The following SLC8A3 variants were observed in gnomAD, a reference collection of about 807,000 sequenced individuals.
SLC8A3 encodes the protein solute carrier family 8 member A3, also known as sodium/calcium exchanger 3.
Under a neutral mutation model 65.4 loss-of-function variants are expected in SLC8A3, and 37 were observed. The observed-to-expected ratio is 0.57, with a 90% confidence interval of 0.44 to 0.74. The LOEUF (loss-of-function observed/expected upper bound fraction) is 0.74. SLC8A3 is among the 30% of genes least tolerant of loss of function. The pLI is 0.00. For synonymous variants in SLC8A3, 461 were observed against 444.5 expected, an observed-to-expected ratio of 1.04 and a Z score of -0.47; for missense variants, 1,112 against 1,172.1, an observed-to-expected ratio of 0.95 and a Z score of 0.75.
chr14:70,068,683 C>T (rs1315891629), intron 2 of SLC8A3, among the ~76,000 whole-genome samples: 3 of 152,056 alleles, frequency 2.0e-5, no homozygotes, highest in Non-Finnish European at 4.4e-5. Context: ...CATGTCAGGC[C>T]TCTTATTTCA....
intron 2 of SLC8A3, among the ~76,000 whole-genome samples, chr14:70,101,813 A>C (rs1357240851): frequency 6.6e-6 from 1 of 152,230 alleles, no homozygotes; most frequent in African/African-American, 2.4e-5. Flanking sequence ...ACAATTGTCC[A>C]GCCTTTTCTC....
At chr14:70,131,219 C>T (rs1409023031) in intron 2 of SLC8A3, among the ~76,000 whole-genome samples, 3 of 149,524 alleles carry the variant, frequency 2.0e-5, no homozygotes, top group Non-Finnish European at 4.5e-5. Flanking sequence ...GGAGCTTGGA[C>T]TGCAGAAGGC....
At chr14:70,094,232 C>T (rs1439004316) in intron 2 of SLC8A3, among the ~76,000 whole-genome samples, 1 of 152,180 alleles carries the variant, frequency 6.6e-6, no homozygotes, top group Admixed American at 6.5e-5. Context: ...CAAATCCCAG[C>T]GCTGCAGCCA....
chr14:70,174,856 C>T (rs1006651880), intron 1 of SLC8A3, among the ~76,000 whole-genome samples: 1 of 152,066 alleles, frequency 6.6e-6, no homozygotes, highest in African/African-American at 2.4e-5. Flanking sequence ...TCTTCTGCTG[C>T]TCTAAGCGCT....
chr14:70,181,788 A>G (rs1388089085), intron 1 of SLC8A3, among the ~76,000 whole-genome samples: 2 of 152,202 alleles, frequency 1.3e-5, no homozygotes, highest in Non-Finnish European at 2.9e-5. Flanking sequence ...CAGAAAAATG[A>G]TAAGTTTACA....
Position 70,167,047 on chromosome 14 carries a change from T to C in SLC8A3, c.1376A>G (p.Glu459Gly). The C allele has an allele frequency of 6.2e-7, 1 of 1,613,962 alleles. No homozygotes were observed. ...TEGTVVLKPGETQKEFSVGII... is the reference protein window; with the variant it reads ...TEGTVVLKPGGTQKEFSVGII... The stretch of plus-strand genomic sequence containing the variant: ...GCCCACGGAGAACTCCTTCTGGGTC[T>C]CTCCTGGCTTCAGAACCACCGTGCC... Residue 459 changes from glutamate (E) to glycine (G), a missense_variant, in exon 2 of 7, where the codon GAG (glutamate) becomes GGG (glycine). Glu to Gly is a moderately conservative substitution (Grantham distance 98). Coordinates refer to ENST00000356921, the MANE Select transcript of SLC8A3 (RefSeq NM_182932.3).
Position 70,045,743 on chromosome 14 carries a change from G to T in SLC8A3, c.*204C>A. Reference sequence around the variant, plus strand: ...TGTATTCAATTAAATACTGTGTAAAGTCGGTGATTCCTCCATTGTTTGATT... The same window carrying T: ...TGTATTCAATTAAATACTGTGTAAATTCGGTGATTCCTCCATTGTTTGATT... On this transcript the variant is annotated 3_prime_UTR_variant, in exon 7 of 7. Coordinates refer to ENST00000356921, the MANE Select transcript of SLC8A3 (RefSeq NM_182932.3). 1 of 515,740 alleles carries T rather than the reference G, an allele frequency of 1.9e-6. No individual in the cohort carries two copies. The allele number at this position is 515,740 out of a possible 1,614,324, so 31.9% of individuals were successfully genotyped here.
intron 2 of SLC8A3, among the ~76,000 whole-genome samples, chr14:70,147,104 G>A (rs10130127): frequency 0.99 from 151,106 of 152,312 alleles, 74,963 homozygotes; most frequent in East Asian, 1. Context: ...GAATAATGAG[G>A]CGTGACTATT....
chr14:70,051,159 A>G (rs746495226), intron 4 of SLC8A3, 52 bp from the exon 5 acceptor site: 5 of 1,214,782 alleles, frequency 4.1e-6, no homozygotes, highest in Non-Finnish European at 6.1e-6. Context: ...CTCAGAACCA[A>G]TGAGGAGTCT....
intron 1 of SLC8A3, among the ~76,000 whole-genome samples, chr14:70,185,070 G>A (rs1027860737): frequency 1.3e-5 from 2 of 149,732 alleles, no homozygotes; most frequent in Admixed American, 6.7e-5. Flanking sequence ...AGGTTCAAGC[G>A]ATTCTCCTGC....
In SLC8A3 at chr14:70,046,017, A is replaced by G; in HGVS notation, c.2696T>C (p.Phe899Ser). The stretch of plus-strand genomic sequence containing the variant: ...TATGTAGAGGAGCCACAGGCTCACA[A>G]AGAGCCATGTTGTGGCGAGCTTGCA... ...RGCKLATTWL[F>S]VSLWLLYILF... Residue 899 changes from phenylalanine to serine, a missense_variant, in exon 7 of 7, where the codon TTT becomes TCT. Transcript: ENST00000356921. The surrounding 1 kb of genome is among the most constrained non-coding windows in gnomAD (Gnocchi z 4.2). The G allele has an allele frequency of 6.2e-7, 1 of 1,613,486 alleles. No homozygotes were observed. The highest frequency in any genetic ancestry group is 1.1e-5 in the South Asian group (1 of 90,986).
intron 1 of SLC8A3, among the ~76,000 whole-genome samples, chr14:70,174,016 C>T (rs1594807495): frequency 6.6e-6 from 1 of 152,218 alleles, no homozygotes; most frequent in African/African-American, 2.4e-5. Context: ...TATCACCACA[C>T]TTGTTTTAGA....
intron 3 of SLC8A3, among the ~76,000 whole-genome samples, chr14:70,055,459 C>G (rs1447902888): frequency 6.6e-6 from 1 of 152,098 alleles, no homozygotes; most frequent in Non-Finnish European, 1.5e-5. Context: ...TCTCTTCCCC[C>G]ACAACATGAG....
At chr14:70,148,431 T>A (rs757590050) in intron 2 of SLC8A3, among the ~76,000 whole-genome samples, 36 of 152,166 alleles carry the variant, frequency 2.4e-4, no homozygotes, top group Non-Finnish European at 4.3e-4. Context: ...AAGAGGGTAC[T>A]TTTTTCTTTT....
At chr14:70,098,681 G>A (rs12589441) in intron 2 of SLC8A3, among the ~76,000 whole-genome samples, 47,083 of 152,030 alleles carry the variant, frequency 0.31, 8,573 homozygotes, top group East Asian at 0.55. Context: ...AAGCCACACC[G>A]TGTGAGCTCA....
chr14:70,158,655 A>G (rs764069690), intron 2 of SLC8A3, among the ~76,000 whole-genome samples: 1 of 152,212 alleles, frequency 6.6e-6, no homozygotes, highest in Non-Finnish European at 1.5e-5. Flanking sequence ...GCACCTATGT[A>G]TGTTAATCCT....
At position 70,048,946 on chromosome 14, in the gene SLC8A3, A is replaced by G; in HGVS notation, c.2210T>C (p.Phe737Ser). ...GTACTCTGTGGGGGGCACACAGGCA[A>G]ACAGCACCTTCCAGAAGACAGTCAG... ...HFLTVFWKVL[F>S]ACVPPTEYCH... The change falls in exon 6 of 7, where the codon TTT (phenylalanine) becomes TCT (serine). Residue 737 changes from phenylalanine (F) to serine (S), a missense_variant. Physicochemically the swap from Phe to Ser is radical, Grantham distance 155 (BLOSUM62 -2). Transcript: ENST00000356921. 6.2e-7 allele frequency: 1 copy of G among 1,614,262 alleles called. No individual in the cohort carries two copies. The highest frequency in any genetic ancestry group is 8.5e-7 in the Non-Finnish European group (1 of 1,180,050).
chr14:70,130,723 A>T (rs1326854554), intron 2 of SLC8A3, among the ~76,000 whole-genome samples: 1 of 152,238 alleles, frequency 6.6e-6, no homozygotes, highest in Non-Finnish European at 1.5e-5. Flanking sequence ...AGAGGAATGG[A>T]GTTTTAATGA....
chr14:70,100,822 T>C (rs1021691458), intron 2 of SLC8A3, among the ~76,000 whole-genome samples: 32 of 152,374 alleles, frequency 2.1e-4, no homozygotes, highest in African/African-American at 7.5e-4. Flanking sequence ...GCCAGGAGAC[T>C]GTTCTAGCTG....
Sources: allele counts gnomAD v4.1 joint callset (sites outside exome capture counted in the v4.1 genomes callset), GRCh38; gene constraint gnomAD v4.1.1; non-coding constraint Gnocchi (gnomAD v3.1); transcripts MANE v1.5; gene names NCBI Gene and HGNC (gene_info 2026-07-23, HGNC 2026-07-21).